Variants in CCDC86 observed in about 807,000 individuals in gnomAD.
CCDC86 encodes the protein coiled-coil domain-containing protein 86.
In CCDC86, 28 loss-of-function variants were observed where a neutral mutation model predicts 36.7. The ratio of observed to expected loss-of-function variants is 0.76; its 90% CI spans 0.57 to 1.05. The LOEUF (loss-of-function observed/expected upper bound fraction) is 1.05. Among genes scored for constraint, CCDC86 ranks in the 50% least tolerant of loss-of-function variants. The probability of loss-of-function intolerance (pLI) is 0.00; values close to 1 mark genes in which losing one functional copy is unlikely to be tolerated. For missense variants in CCDC86, 453 were observed against 470.2 expected, an observed-to-expected ratio of 0.96 and a Z score of 0.34; for synonymous variants, 199 against 203.4, an observed-to-expected ratio of 0.98 and a Z score of 0.18.
rs547360887 is a variant in CCDC86, at chr11:60,848,201, G to A, written c.888+148G>A. 1.8e-5 allele frequency: 18 copies of A among 1,025,860 alleles called. No individual in the cohort carries two copies. The South Asian group carries it at 2.8e-4, about 16-fold the overall frequency. The allele number at this position is 1,025,860 out of a possible 1,614,324, so 63.5% of individuals were successfully genotyped here. On this transcript the variant is annotated intron_variant, in intron 2 of 3. Coordinates refer to ENST00000227520, the MANE Select transcript of CCDC86 (RefSeq NM_024098.4). ...TGAATCTGAAGGCCGGAGGGAGGAA[G>A]GGCACCTGGCCAGAAGCAGAAGTGC...
At chr11:60,844,006 C>T (rs1487097143) in intron 1 of CCDC86, among the ~76,000 whole-genome samples, 2 of 152,216 alleles carry the variant, frequency 1.3e-5, no homozygotes, top group Non-Finnish European at 2.9e-5. Flanking sequence ...GATGATGGCA[C>T]TACCCCTCTG....
chr11:60,846,149 G>T (rs1368038895), intron 1 of CCDC86, among the ~76,000 whole-genome samples: 6 of 152,086 alleles, frequency 3.9e-5, no homozygotes, highest in Non-Finnish European at 8.8e-5. Context: ...GTGTCTTGTG[G>T]TTCTGTGTGT....
rs749437981 is a variant in CCDC86, at chr11:60,847,917, C to A, written c.759-7C>A. ...GACCCTGTATGCACCCACTCTCCCC[C>A]TTTCAGATTCTCCCAGATGCTTCAG... On this transcript the variant is annotated splice_polypyrimidine_tract_variant and splice_region_variant and intron_variant, in intron 1 of 3. Transcript: ENST00000227520. 1 of 1,609,160 alleles carries A rather than the reference C, an allele frequency of 6.2e-7. No individual in the cohort carries two copies. Among genetic ancestry groups the A allele is most frequent in the Admixed American group, 1.7e-5 (1 of 59,770 alleles).
intron 1 of CCDC86, among the ~76,000 whole-genome samples, chr11:60,843,339 T>A (rs1855147534): frequency 6.6e-6 from 1 of 152,226 alleles, no homozygotes; most frequent in African/African-American, 2.4e-5. Context: ...ACAGCCTTAA[T>A]AAGGATTTAC....
At chr11:60,844,453 C>T (rs1855159581) in intron 1 of CCDC86, among the ~76,000 whole-genome samples, 1 of 152,194 alleles carries the variant, frequency 6.6e-6, no homozygotes, top group South Asian at 2.1e-4. Context: ...CCTCCATGTT[C>T]CTCCCATGTG....
In CCDC86 at chr11:60,849,992, G is replaced by A. The variant is rs140538227; in HGVS notation, c.941G>A (p.Arg314Gln). 554 of 1,614,170 alleles carry A rather than the reference G, an allele frequency of 3.4e-4. 3 individuals are homozygous for A. The East Asian group carries it at 5.5e-3, about 16-fold the overall frequency. Residue 314 changes from arginine (R) to glutamine (Q), a missense_variant, in exon 3 of 4, where the codon CGG becomes CAG. Coordinates refer to ENST00000227520, the MANE Select transcript of CCDC86 (RefSeq NM_024098.4). ...CTGAAACGCCGCCTGGAGAATGAGC[G>A]GAAGGCAGAGGTCGTCCAAGTGGTG... is the stretch of plus-strand genomic sequence containing the variant. Reference protein sequence around the residue: ...ENLKRRLENERKAEVVQVIRN... With the variant: ...ENLKRRLENEQKAEVVQVIRN...
chr11:60,846,339 G>A (rs76905018), intron 1 of CCDC86, among the ~76,000 whole-genome samples: 1,839 of 152,236 alleles, frequency 0.012, 36 homozygotes, highest in African/African-American at 0.042. Flanking sequence ...GCCAGAAGTC[G>A]GCAGGGCCAA....
rs777552090 is a variant in CCDC86, at chr11:60,842,443, C to A, written c.319C>A (p.Pro107Thr). The part of the protein sequence containing the change: ...DLHLESPQRQ[P>T]EYSPESPRCQ... ...ACACCTGGAGTCGCCTCAAAGACAG[C>A]CAGAGTACAGTCCTGAATCCCCACG... is the stretch of plus-strand genomic sequence containing the variant. The change falls in exon 1 of 4, where the codon CCA (proline) becomes ACA (threonine). Residue 107 changes from proline (P) to threonine (T), a missense_variant. Transcript: ENST00000227520. 6.2e-7 allele frequency: 1 copy of A among 1,614,080 alleles called. No homozygotes were observed. The highest frequency in any genetic ancestry group is 1.3e-5 in the African/African-American group (1 of 75,048).
chr11:60,848,654 G>A (rs572039506), intron 2 of CCDC86, among the ~76,000 whole-genome samples: 7 of 152,214 alleles, frequency 4.6e-5, no homozygotes, highest in South Asian at 2.1e-4. Flanking sequence ...CAGAGAAAGC[G>A]GAGTGGCATT....
At chr11:60,847,290 G>T (rs935019582) in intron 1 of CCDC86, among the ~76,000 whole-genome samples, 5 of 152,062 alleles carry the variant, frequency 3.3e-5, no homozygotes, top group Non-Finnish European at 7.4e-5. Flanking sequence ...GGTTTTAGTA[G>T]GCTTAGTAGG....
intron 3 of CCDC86, 92 bp downstream of exon 3, chr11:60,850,106 T>G: frequency 6.2e-7 from 1 of 1,606,732 alleles, no homozygotes; most frequent in Non-Finnish European, 8.5e-7. Flanking sequence ...CCCACTCTCA[T>G]GCTACGATCT....
In CCDC86 at chr11:60,847,951, C is replaced by T; in HGVS notation, c.786C>T (p.Pro262=). 6.2e-7 allele frequency: 1 copy of T among 1,613,236 alleles called. No homozygotes were observed. The highest frequency in any genetic ancestry group is 1.7e-5 in the Admixed American group (1 of 59,984). The change falls in exon 2 of 4, where the codon CCC becomes CCT. Residue 262 remains proline, a synonymous_variant. Transcript: ENST00000227520. ...KRFSQMLQDK[P]LRTSWQRKMK... ...TCTCCCAGATGCTTCAGGACAAGCC[C>T]CTGCGCACATCGTGGCAGCGGAAGA...
intron 1 of CCDC86, chr11:60,847,403 G>A (rs510715): frequency 0.72 from 109,303 of 152,468 alleles, 39,511 homozygotes; most frequent in East Asian, 0.92. Context: ...CACTGCATCC[G>A]GTCTTGGCGG....
rs1264474520 is a variant in CCDC86, at chr11:60,842,638, C to T, written c.514C>T (p.Pro172Ser). ...EPYPGQQAPGPEPSQPLLELT... is the reference protein window; with the variant it reads ...EPYPGQQAPGSEPSQPLLELT... ...TTACCCCGGTCAGCAAGCTCCCGGTCCGGAGCCCTCTCAGCCACTACTGGA... is the reference window on the plus strand; with the variant it reads ...TTACCCCGGTCAGCAAGCTCCCGGTTCGGAGCCCTCTCAGCCACTACTGGA... The change falls in exon 1 of 4, where the codon CCG becomes TCG. Residue 172 changes from proline (P) to serine (S), a missense_variant. Coordinates refer to ENST00000227520, the MANE Select transcript of CCDC86 (RefSeq NM_024098.4). 2.5e-6 allele frequency: 4 copies of T among 1,613,746 alleles called. No individual in the cohort carries two copies. Among genetic ancestry groups the T allele is most frequent in the Non-Finnish European group, 3.4e-6 (4 of 1,180,010 alleles).
rs1248434261 is a variant in CCDC86 at position 60,842,780 on chromosome 11, C to A, written c.656C>A (p.Ser219Tyr). The change falls in exon 1 of 4, where the codon TCC becomes TAC. Residue 219 changes from serine (S) to tyrosine (Y), a missense_variant. Physicochemically the swap from Ser to Tyr is moderately radical, Grantham distance 144. Transcript: ENST00000227520. The part of the protein sequence containing the change: ...FGAKKRKGSS[S>Y]QAPASKKLNK... ...GCAAAGAAGCGAAAAGGTTCTTCAT[C>A]CCAGGCCCCAGCGTCCAAGAAGTTG... The A allele has an allele frequency of 1.2e-6, 2 of 1,612,656 alleles. No individual in the cohort carries two copies. Among genetic ancestry groups the A allele is most frequent in the Non-Finnish European group, 1.7e-6 (2 of 1,178,968 alleles).
chr11:60,842,322 C>T lies in CCDC86; in HGVS notation c.198C>T (p.Ser66=). Residue 66 remains serine, a synonymous_variant, in exon 1 of 4, where the codon AGC becomes AGT. Transcript: ENST00000227520. ...LGSPERPPKT[S]PGSPRLQQGA... is the part of the protein sequence containing the mutation. The stretch of plus-strand genomic sequence containing the variant: ...CCCCCGAAAGGCCGCCGAAGACAAG[C>T]CCAGGATCACCCCGTCTGCAGCAGG... 1 of 1,613,666 alleles carries T rather than the reference C, an allele frequency of 6.2e-7. No homozygotes were observed. The highest frequency in any genetic ancestry group is 8.5e-7 in the Non-Finnish European group (1 of 1,179,868).
chr11:60,845,237 G>C (rs1012361288), intron 1 of CCDC86, among the ~76,000 whole-genome samples: 5 of 152,224 alleles, frequency 3.3e-5, no homozygotes, highest in African/African-American at 9.6e-5. Flanking sequence ...AACAGTAGGA[G>C]ATGAGGTCAG....
chr11:60,842,845 A>T lies in CCDC86; in HGVS notation c.721A>T (p.Lys241Ter). The T allele has an allele frequency of 6.3e-7, 1 of 1,589,634 alleles. No individual in the cohort carries two copies. Among genetic ancestry groups the T allele is most frequent in the Non-Finnish European group, 8.6e-7 (1 of 1,166,344 alleles). Residue 241 changes from lysine (K) to a stop codon, truncating the protein, a stop_gained, in exon 1 of 4, where the codon AAA (lysine) becomes TAA (stop). Coordinates refer to ENST00000227520, the MANE Select transcript of CCDC86 (RefSeq NM_024098.4). LOFTEE classifies it high-confidence loss of function. The stretch of plus-strand genomic sequence containing the variant: ...TCCTGTAATCCCGAAGGGGAAGCCC[A>T]AATCGGGGCGAGTGTGGAAGGACCG... ...ELPVIPKGKP[K>*]SGRVWKDRSK...
chr11:60,842,940 C>T lies in CCDC86; in HGVS notation c.758+58C>T, dbSNP rs1855143165. ...GTTCTCTATGGTGTTGGGACCCCGC[C>T]TTTGCCCTGCTGCAGCCTGGAGAAT... On this transcript the variant is annotated intron_variant, in intron 1 of 3. Transcript: ENST00000227520. The T allele has an allele frequency of 3.2e-5, 49 of 1,509,414 alleles. 1 individual carries two copies. In the South Asian group the frequency reaches 5.8e-4, roughly 18 times the overall value. The allele number at this position is 1,509,414 out of a possible 1,614,324, so 93.5% of individuals were successfully genotyped here.
Sources: gnomAD v4.1 joint callset for allele counts (sites outside exome capture counted in the v4.1 genomes callset) on GRCh38, gnomAD v4.1.1 for gene constraint, MANE v1.5 for transcripts, NCBI Gene and HGNC (gene_info 2026-07-23, HGNC 2026-07-21) for gene names.